ADGRL3: variants seen among roughly 807,000 people sequenced by gnomAD.
ADGRL3 encodes the protein adhesion G protein-coupled receptor L3.
ADGRL3 carries 62 observed loss-of-function variants against 153.5 expected under a neutral mutation model. The ratio of observed to expected loss-of-function variants is 0.40; its 90% CI spans 0.33 to 0.50. ADGRL3 has a LOEUF of 0.50. Among genes scored for constraint, ADGRL3 ranks in the 20% least tolerant of loss-of-function variants. The pLI is 0.47. For synonymous variants in ADGRL3, 710 were observed against 672.5 expected (o/e 1.06, Z -0.86); for missense variants, 1,641 against 1,859.4 (o/e 0.88, Z 2.16).
intron 25 of ADGRL3, among the ~76,000 whole-genome samples, chr4:62,051,528 G>T (rs966579016): frequency 6.6e-6 from 1 of 151,276 alleles, no homozygotes; most frequent in African/African-American, 2.4e-5. Context: ...TCTTCTTATT[G>T]CTTACTCAGC....
At chr4:61,378,431 A>G (rs2096630037) in intron 1 of ADGRL3, among the ~76,000 whole-genome samples, 2 of 152,022 alleles carry the variant, frequency 1.3e-5, no homozygotes. Flanking sequence ...ATTTAGGACT[A>G]AACTTTGTAC....
chr4:61,815,725 C>T lies in ADGRL3; in HGVS notation c.1480+1836C>T, dbSNP rs553867226. 1.1e-4 allele frequency among the ~76,000 whole-genome samples: 17 copies of T among 152,262 alleles called. No individual in the cohort carries two copies. In the South Asian group the frequency reaches 2.5e-3, roughly 22 times the overall value. On this transcript the variant is annotated intron_variant, in intron 9 of 26. Transcript: ENST00000683033. ...TTAGGAGATGATTACGGCATAAGGC[C>T]ACTGACCTAATGAATGGATTGATGA...
chr4:61,283,714 C>T (rs2093815186), intron 1 of ADGRL3, among the ~76,000 whole-genome samples: 1 of 151,972 alleles, frequency 6.6e-6, no homozygotes, highest in Non-Finnish European at 1.5e-5. Context: ...TTACAAATTA[C>T]TGTGTTATTA....
At chr4:61,386,040 G>A (rs986893433) in intron 2 of ADGRL3, among the ~76,000 whole-genome samples, 16 of 152,106 alleles carry the variant, frequency 1.1e-4, no homozygotes, top group Non-Finnish European at 1.8e-4. Flanking sequence ...TTTGATGGTG[G>A]TGGTTGTTTG....
chr4:61,524,334 A>G lies in ADGRL3; in HGVS notation c.259+6816A>G, dbSNP rs184900693. On this transcript the variant is annotated intron_variant, in intron 4 of 26. Coordinates refer to ENST00000683033, the MANE Select transcript of ADGRL3 (RefSeq NM_001387552.1). ...TTTTTAGAATCTGCATTTCCCATTT[A>G]TGTAAGTCTCCAGTACAGAAATGCA... Among the ~76,000 whole-genome samples, 135 of 152,190 alleles carry G rather than the reference A, an allele frequency of 8.9e-4. 2 individuals are homozygous for G. Among genetic ancestry groups the G allele is most frequent in the African/African-American group, 3.2e-3 (131 of 41,562 alleles).
rs192782261 is a variant in ADGRL3 at position 61,996,377 on chromosome 4, T to G, written c.3303+20T>G. ...ATTATGGTAAGAATTCCTAATTAAC[T>G]ATGTGTTTCCCAGATCAAGAAGTAA... On this transcript the variant is annotated intron_variant, in intron 20 of 26. Transcript: ENST00000683033. The G allele has an allele frequency of 6.5e-7, 1 of 1,538,634 alleles. No individual in the cohort carries two copies. Among genetic ancestry groups the G allele is most frequent in the East Asian group, 2.2e-5 (1 of 44,504 alleles).
intron 4 of ADGRL3, among the ~76,000 whole-genome samples, chr4:61,531,102 T>A (rs1349927714): frequency 6.6e-6 from 1 of 152,182 alleles, no homozygotes; most frequent in African/African-American, 2.4e-5. Flanking sequence ...TATGAAAGAA[T>A]GAAGTTGCTG....
chr4:61,524,583 G>A (rs542564043), intron 4 of ADGRL3, among the ~76,000 whole-genome samples: 34 of 152,022 alleles, frequency 2.2e-4, no homozygotes, highest in Admixed American at 2.0e-3. Flanking sequence ...TTCAGTCTCA[G>A]CTTTACTGTT....
At chr4:61,404,359 A>G (rs7698634) in intron 2 of ADGRL3, among the ~76,000 whole-genome samples, 4,713 of 152,148 alleles carry the variant, frequency 0.031, 228 homozygotes, top group East Asian at 0.21. Flanking sequence ...AAAGAAAGGA[A>G]ACATTTTGGG....
intron 2 of ADGRL3, among the ~76,000 whole-genome samples, chr4:61,439,911 A>G (rs946138567): frequency 7.2e-5 from 11 of 152,280 alleles, no homozygotes; most frequent in African/African-American, 2.6e-4. Context: ...ACATGGATAC[A>G]CATACATAAC....
rs551968974 is a variant in ADGRL3 at position 62,037,993 on chromosome 4, G to A, written c.3717+137G>A. ...GTTTCACTGTGTCTCACATGGGAAT[G>A]ATTCTGACAGAAATGGAAGAAACTA... On this transcript the variant is annotated intron_variant, in intron 24 of 26. Transcript: ENST00000683033. 37 of 898,244 alleles carry A rather than the reference G, an allele frequency of 4.1e-5. No individual in the cohort carries two copies. The Admixed American group carries it at 9.2e-4, about 22-fold the overall frequency. 55.6% of individuals were successfully genotyped at this position (898,244 alleles called of 1,614,324 possible).
intron 8 of ADGRL3, chr4:61,775,402 T>TTGTGTGTG (rs61671331): frequency 3.1e-4 from 142 of 453,998 alleles, no homozygotes; most frequent in African/African-American, 2.0e-3. Context: ...TTTTCTTTCT[T>TTGTGTGTG]TGTGTGTGTG....
intron 1 of ADGRL3, among the ~76,000 whole-genome samples, chr4:61,323,743 G>A (rs2095411493): frequency 6.6e-6 from 1 of 152,142 alleles, no homozygotes; most frequent in Non-Finnish European, 1.5e-5. Context: ...TCACTAGGTG[G>A]TTCCAAACTT....
At chr4:61,642,824 G>A (rs2093750196) in intron 5 of ADGRL3, among the ~76,000 whole-genome samples, 1 of 152,108 alleles carries the variant, frequency 6.6e-6, no homozygotes, top group South Asian at 2.1e-4. Flanking sequence ...ATTCTGTGAA[G>A]AAAGTCATTG....
chr4:61,341,789 A>G (rs925087832), intron 1 of ADGRL3, among the ~76,000 whole-genome samples: 12 of 152,170 alleles, frequency 7.9e-5, no homozygotes, highest in South Asian at 4.1e-4. Context: ...CAGCTTTTTC[A>G]TACTTTAAAC....
At chr4:61,936,778 G>GCACA in intron 15 of ADGRL3, among the ~76,000 whole-genome samples, 1 of 33,074 alleles carries the variant, frequency 3.0e-5, no homozygotes, top group Admixed American at 2.7e-4. Flanking sequence ...ATGTACATAT[G>GCACA]CATACACACA....
chr4:61,721,542 G>A (rs2096243893), intron 6 of ADGRL3, among the ~76,000 whole-genome samples: 1 of 152,128 alleles, frequency 6.6e-6, no homozygotes. Context: ...CAGATTGAGG[G>A]TAGGTCTGCA....
At chr4:61,688,103 A>G (rs1350117665) in intron 6 of ADGRL3, among the ~76,000 whole-genome samples, 1 of 152,120 alleles carries the variant, frequency 6.6e-6, no homozygotes, top group Admixed American at 6.6e-5. Context: ...TTGGTTCTTC[A>G]TACTATATAT....
chr4:61,454,472 C>T (rs1020688205), intron 2 of ADGRL3, among the ~76,000 whole-genome samples: 1 of 151,964 alleles, frequency 6.6e-6, no homozygotes, highest in African/African-American at 2.4e-5. Context: ...GCAAATAAGA[C>T]TTTTTTGGTG....
Sources: gnomAD v4.1 joint callset for allele counts (sites outside exome capture counted in the v4.1 genomes callset) on GRCh38, gnomAD v4.1.1 for gene constraint, MANE v1.5 for transcripts, NCBI Gene and HGNC (gene_info 2026-07-23, HGNC 2026-07-21) for gene names.